The following MEGF11 variants were observed in gnomAD, a reference collection of about 807,000 sequenced individuals.
The protein encoded by MEGF11 is multiple EGF like domains 11.
A neutral mutation model predicts 146.6 loss-of-function variants in MEGF11; 126 were observed. The ratio of observed to expected loss-of-function variants is 0.86; its 90% CI spans 0.74 to 1.00. The LOEUF (loss-of-function observed/expected upper bound fraction) is 1.00. MEGF11 is among the 50% of genes least tolerant of loss of function. The pLI is 0.00. For missense variants in MEGF11, 1,509 were observed against 1,521.2 expected, an observed-to-expected ratio of 0.99 and a Z score of 0.13; for synonymous variants, 532 against 583.4, an observed-to-expected ratio of 0.91 and a Z score of 1.27.
chr15:66,061,792 C>T (rs1213860400), intron 5 of MEGF11, among the ~76,000 whole-genome samples: 1 of 152,150 alleles, frequency 6.6e-6, no homozygotes, highest in African/African-American at 2.4e-5. Context: ...TGCACCAGCA[C>T]ACCCAGCTAA....
intron 1 of MEGF11, among the ~76,000 whole-genome samples, chr15:66,174,893 A>G (rs1242931935): frequency 3.9e-5 from 6 of 152,140 alleles, no homozygotes; most frequent in Non-Finnish European, 7.4e-5. Context: ...TCAGTGTTTT[A>G]TAGTCTTCAT....
intron 5 of MEGF11, among the ~76,000 whole-genome samples, chr15:66,086,055 G>C (rs1176051661): frequency 2.6e-5 from 4 of 151,910 alleles, no homozygotes; most frequent in Non-Finnish European, 5.9e-5. Flanking sequence ...AAAAGTAGAA[G>C]AAAGAAATTC....
intron 5 of MEGF11, among the ~76,000 whole-genome samples, chr15:66,044,850 C>CAAA (rs140901440): frequency 2.1e-4 from 19 of 90,712 alleles, no homozygotes; most frequent in African/African-American, 9.5e-4. Context: ...GACCTTATCT[C>CAAA]AAAAAAAAAA....
At chr15:65,917,857 A>G in intron 16 of MEGF11, 109 bp downstream of exon 16, 1 of 1,331,102 alleles carries the variant, frequency 7.5e-7, no homozygotes. Flanking sequence ...GCAGAAGGAG[A>G]TTTCATCCCT....
intron 1 of MEGF11, among the ~76,000 whole-genome samples, chr15:66,177,097 C>T (rs117728956): frequency 0.017 from 2,652 of 152,274 alleles, 46 homozygotes; most frequent in Non-Finnish European, 0.029. Context: ...TGGGAGATTT[C>T]TGCAGACATG....
intron 1 of MEGF11, among the ~76,000 whole-genome samples, chr15:66,226,767 G>A (rs151290944): frequency 9.9e-5 from 15 of 152,098 alleles, no homozygotes; most frequent in East Asian, 3.9e-4. Context: ...CATGTCCTCC[G>A]AGAATAAGGG....
intron 25 of MEGF11, 140 bp downstream of exon 25, chr15:65,898,588 C>G: frequency 2.1e-6 from 3 of 1,454,716 alleles, no homozygotes; most frequent in South Asian, 2.9e-5. Context: ...CTAGGAAAGA[C>G]AGTTCACCTT....
At chr15:66,003,739 G>A (rs895775873) in intron 5 of MEGF11, among the ~76,000 whole-genome samples, 1 of 152,158 alleles carries the variant, frequency 6.6e-6, no homozygotes, top group African/African-American at 2.4e-5. Context: ...CCAGGTGCAT[G>A]ACGGCCTGGC....
intron 5 of MEGF11, among the ~76,000 whole-genome samples, chr15:66,080,477 C>T (rs1317472670): frequency 2.6e-5 from 4 of 152,174 alleles, no homozygotes; most frequent in Non-Finnish European, 5.9e-5. Context: ...CCTCCTCCTC[C>T]CTCCTCTCTG....
chr15:66,091,819 C>T lies in MEGF11; in HGVS notation c.394+2583G>A, dbSNP rs148156030. Among the ~76,000 whole-genome samples the T allele has an allele frequency of 1.6e-3, 244 of 152,214 alleles. 2 individuals are homozygous for T. The highest frequency in any genetic ancestry group is 5.6e-3 in the African/African-American group (232 of 41,534). Reference sequence around the variant, plus strand: ...TAAGAGGAATAAAGGCCACGGCCAACGGAGAGAAACCAGATGGGAAAGGTA... The same window carrying T: ...TAAGAGGAATAAAGGCCACGGCCAATGGAGAGAAACCAGATGGGAAAGGTA... On this transcript the variant is annotated intron_variant, in intron 5 of 25. Coordinates refer to ENST00000395614, the MANE Select transcript of MEGF11 (RefSeq NM_001385028.1).
At chr15:66,204,334 G>C (rs2091245426) in intron 1 of MEGF11, among the ~76,000 whole-genome samples, 1 of 152,120 alleles carries the variant, frequency 6.6e-6, no homozygotes, top group Admixed American at 6.5e-5. Context: ...CCCAGGGTGG[G>C]ACAGAGGTTT....
chr15:66,231,900 G>A lies in MEGF11; in HGVS notation c.-9+21705C>T, dbSNP rs956964845. Among the ~76,000 whole-genome samples, 28 of 152,286 alleles carry A rather than the reference G, an allele frequency of 1.8e-4. 1 individual carries two copies. The highest frequency in any genetic ancestry group is 1.1e-3 in the Admixed American group (17 of 15,308). ...AACTAACCCTCACCAAGCCCTTACC[G>A]TGTGCTAGGCCTTGTGCTGAGTGTT... On this transcript the variant is annotated intron_variant, in intron 1 of 25. Coordinates refer to ENST00000395614, the MANE Select transcript of MEGF11 (RefSeq NM_001385028.1).
At chr15:66,013,307 G>C (rs2140125198) in intron 5 of MEGF11, among the ~76,000 whole-genome samples, 1 of 152,284 alleles carries the variant, frequency 6.6e-6, no homozygotes, top group South Asian at 2.1e-4. Flanking sequence ...TCCCACTCAG[G>C]CTCTGTGCTT....
intron 4 of MEGF11, among the ~76,000 whole-genome samples, chr15:66,112,672 C>T (rs1290137431): frequency 6.6e-6 from 1 of 151,570 alleles, no homozygotes; most frequent in East Asian, 1.9e-4. Context: ...CAAATAAAAA[C>T]CCCCAGAAAC....
chr15:65,953,801 C>T (rs971122581), intron 10 of MEGF11, among the ~76,000 whole-genome samples: 9 of 152,058 alleles, frequency 5.9e-5, no homozygotes, highest in Non-Finnish European at 1.2e-4. Context: ...TGTCCCTGTG[C>T]TCTCGGGGGT....
chr15:66,031,625 C>A (rs140829707), intron 5 of MEGF11, among the ~76,000 whole-genome samples: 78 of 152,312 alleles, frequency 5.1e-4, no homozygotes, highest in African/African-American at 1.8e-3. Flanking sequence ...AGAGGCTGAG[C>A]TTGGGCAGAA....
At chr15:66,035,319 C>G (rs1251794604) in intron 5 of MEGF11, among the ~76,000 whole-genome samples, 2 of 152,212 alleles carry the variant, frequency 1.3e-5, no homozygotes, top group South Asian at 2.1e-4. Flanking sequence ...TGCTGCCACT[C>G]TAATGGTCCT....
At chr15:65,963,488 T>C (rs1221434063) in intron 9 of MEGF11, among the ~76,000 whole-genome samples, 4 of 151,848 alleles carry the variant, frequency 2.6e-5, no homozygotes, top group South Asian at 4.1e-4. Context: ...ATCTCTGATA[T>C]TGGCTATACA....
intron 5 of MEGF11, among the ~76,000 whole-genome samples, chr15:66,072,432 A>C (rs2140478970): frequency 6.6e-6 from 1 of 152,218 alleles, no homozygotes; most frequent in East Asian, 1.9e-4. Context: ...ATTTATCACC[A>C]ATTGAAATTA....
Sources: gnomAD v4.1 joint callset for allele counts (sites outside exome capture counted in the v4.1 genomes callset) on GRCh38, gnomAD v4.1.1 for gene constraint, MANE v1.5 for transcripts, NCBI Gene and HGNC (gene_info 2026-07-23, HGNC 2026-07-21) for gene names.